Variants in ELAPOR1 observed in about 807,000 individuals in gnomAD.
The protein encoded by ELAPOR1 is endosome-lysosome associated apoptosis and autophagy regulator 1.
In ELAPOR1, 77 loss-of-function variants were observed where a neutral mutation model predicts 119.7. The ratio of observed to expected loss-of-function variants is 0.64; its 90% CI spans 0.54 to 0.78. The LOEUF (loss-of-function observed/expected upper bound fraction) is 0.78. Among genes scored for constraint, ELAPOR1 ranks in the 30% least tolerant of loss-of-function variants. The pLI is 0.00. For missense variants in ELAPOR1, 1,115 were observed against 1,270.4 expected, an observed-to-expected ratio of 0.88 and a Z score of 1.86; for synonymous variants, 481 against 487.2, an observed-to-expected ratio of 0.99 and a Z score of 0.17.
At position 109,178,950 on chromosome 1, in the gene ELAPOR1, A is replaced by G. The variant is rs375860510; in HGVS notation, c.952+5113A>G. Among the ~76,000 whole-genome samples, 89 of 142,756 alleles carry G rather than the reference A, an allele frequency of 6.2e-4. 2 individuals carry two copies. In the South Asian group the frequency reaches 0.02, roughly 32 times the overall value. The allele number at this position is 142,756 out of a possible 152,430, so 93.7% of individuals were successfully genotyped here. A position where few individuals can be genotyped will look rare whatever the true frequency, so the allele number is the denominator to read the frequency against. On this transcript the variant is annotated intron_variant, in intron 7 of 21. Coordinates refer to ENST00000369939, the MANE Select transcript of ELAPOR1 (RefSeq NM_020775.5). Reference sequence around the variant, plus strand: ...ACTGCATTCCAATCTGGGTGACAGAATAATACTGTCTCAAAAAAAAAAAAA... The same window carrying G: ...ACTGCATTCCAATCTGGGTGACAGAGTAATACTGTCTCAAAAAAAAAAAAA...
chr1:109,192,119 CTTG>C (rs775759785), intron 13 of ELAPOR1, among the ~76,000 whole-genome samples: 7 of 152,306 alleles, frequency 4.6e-5, no homozygotes, highest in African/African-American at 1.2e-4. Context: ...TGTTACCAGA[CTTG>C]TTGTTGTTTT....
intron 1 of ELAPOR1, among the ~76,000 whole-genome samples, chr1:109,143,678 C>A (rs1251480589): frequency 6.6e-6 from 1 of 151,030 alleles, no homozygotes; most frequent in African/African-American, 2.4e-5. Context: ...AAAGTTTGAA[C>A]TTTTTTTTTG....
intron 11 of ELAPOR1, 48 bp downstream of exon 11, chr1:109,189,730 C>G: frequency 1.4e-6 from 2 of 1,416,300 alleles, no homozygotes; most frequent in Non-Finnish European, 2.0e-6. Context: ...TGGCCATATC[C>G]GAATCCCACG....
rs141560608 is a variant in ELAPOR1 at position 109,188,745 on chromosome 1, G to A, written c.1220-321G>A. ...GGGGGATTTGAGTACCTGTTAAAAT[G>A]AAAGCATTTAATGATAATATGACAA... On this transcript the variant is annotated intron_variant, in intron 9 of 21. Transcript: ENST00000369939. Among the ~76,000 whole-genome samples the A allele has an allele frequency of 7.7e-3, 1,170 of 152,278 alleles. 8 individuals are homozygous for A. The highest frequency in any genetic ancestry group is 0.035 in the South Asian group (168 of 4,820).
intron 15 of ELAPOR1, among the ~76,000 whole-genome samples, chr1:109,196,802 C>T (rs1186198397): frequency 2.0e-5 from 3 of 152,092 alleles, no homozygotes; most frequent in Admixed American, 6.5e-5. Context: ...CCTGCCTCAG[C>T]CTCCCGAGTA....
chr1:109,149,180 G>T (rs896441639), intron 1 of ELAPOR1, among the ~76,000 whole-genome samples: 1 of 152,206 alleles, frequency 6.6e-6, no homozygotes, highest in Non-Finnish European at 1.5e-5. Context: ...GGAAACTGAG[G>T]AGGGGCTAAC....
chr1:109,176,067 T>C (rs1231982355), intron 7 of ELAPOR1, among the ~76,000 whole-genome samples: 1 of 152,146 alleles, frequency 6.6e-6, no homozygotes, highest in Non-Finnish European at 1.5e-5. Flanking sequence ...TAGGTTTCCT[T>C]GTAACACAAT....
intron 1 of ELAPOR1, among the ~76,000 whole-genome samples, chr1:109,158,551 C>T (rs564320548): frequency 8.5e-5 from 13 of 152,220 alleles, no homozygotes; most frequent in African/African-American, 2.6e-4. Context: ...CAGTTCCCCA[C>T]CCTCTCATTT....
chr1:109,180,919 T>C (rs649400), intron 7 of ELAPOR1, among the ~76,000 whole-genome samples: 144,535 of 152,090 alleles, frequency 0.95, 69,136 homozygotes, highest in Middle Eastern at 1. Context: ...GAGCTGATTG[T>C]GCCACTGAAC....
intron 18 of ELAPOR1, 136 bp downstream of exon 18, chr1:109,198,810 C>T (rs1293445959): frequency 1.4e-6 from 1 of 697,132 alleles, no homozygotes; most frequent in Non-Finnish European, 2.4e-6. Flanking sequence ...GGGGCACAGT[C>T]ATGGCCCCAG....
At chr1:109,115,449 A>G (rs2100944598) in intron 1 of ELAPOR1, among the ~76,000 whole-genome samples, 1 of 152,304 alleles carries the variant, frequency 6.6e-6, no homozygotes, top group Non-Finnish European at 1.5e-5. Flanking sequence ...TTTAAAAAAT[A>G]TATGTTTTAA....
intron 3 of ELAPOR1, among the ~76,000 whole-genome samples, chr1:109,170,831 G>A (rs1372153209): frequency 6.6e-6 from 1 of 152,182 alleles, no homozygotes; most frequent in Non-Finnish European, 1.5e-5. Flanking sequence ...AGATGGTGTG[G>A]TGGTGAGTGT....
intron 7 of ELAPOR1, among the ~76,000 whole-genome samples, chr1:109,180,754 C>T (rs965881134): frequency 2.0e-5 from 3 of 151,986 alleles, no homozygotes; most frequent in South Asian, 2.1e-4. Context: ...TGCTTGAGGC[C>T]GGGAGTTTGA....
intron 1 of ELAPOR1, among the ~76,000 whole-genome samples, chr1:109,115,042 G>A (rs1426811370): frequency 6.6e-6 from 1 of 152,144 alleles, no homozygotes; most frequent in African/African-American, 2.4e-5. Flanking sequence ...CTTAACATAT[G>A]TCAAAGTCTT....
In ELAPOR1 at chr1:109,164,701, C is replaced by A. The variant is rs1651477952; in HGVS notation, c.467+10C>A. On this transcript the variant is annotated intron_variant, in intron 3 of 21. Coordinates refer to ENST00000369939, the MANE Select transcript of ELAPOR1 (RefSeq NM_020775.5). ...CCGGGAACTGTACTTCGTGAGTCTG[C>A]ACACACCCCCACCCCACCCCCAGCC... 1 of 1,604,456 alleles carries A rather than the reference C, an allele frequency of 6.2e-7. No individual in the cohort carries two copies. The highest frequency in any genetic ancestry group is 1.1e-5 in the South Asian group (1 of 90,368).
chr1:109,161,343 G>T lies in ELAPOR1; in HGVS notation c.154-551G>T, dbSNP rs573358501. Reference sequence around the variant, plus strand: ...GAGAATCGCTTGAACCCAGGAGGCGGAGGTTACGGTGAGCCAAGATCATCC... The same window carrying T: ...GAGAATCGCTTGAACCCAGGAGGCGTAGGTTACGGTGAGCCAAGATCATCC... On this transcript the variant is annotated intron_variant, in intron 1 of 21. Coordinates refer to ENST00000369939, the MANE Select transcript of ELAPOR1 (RefSeq NM_020775.5). Among the ~76,000 whole-genome samples the T allele has an allele frequency of 1.3e-4, 19 of 150,058 alleles. No homozygotes were observed. The East Asian group carries it at 3.4e-3, about 27-fold the overall frequency.
chr1:109,195,079 C>T (rs1334487922), intron 15 of ELAPOR1, among the ~76,000 whole-genome samples: 1 of 151,792 alleles, frequency 6.6e-6, no homozygotes, highest in Non-Finnish European at 1.5e-5. Flanking sequence ...CATTGCACTC[C>T]AGCCTGGGCA....
At chr1:109,153,003 G>T (rs987167024) in intron 1 of ELAPOR1, among the ~76,000 whole-genome samples, 5 of 150,480 alleles carry the variant, frequency 3.3e-5, no homozygotes, top group African/African-American at 1.2e-4. Flanking sequence ...AATGAAAAAT[G>T]ACAGTCTCAT....
chr1:109,179,358 G>A (rs1378225001), intron 7 of ELAPOR1, among the ~76,000 whole-genome samples: 5 of 141,496 alleles, frequency 3.5e-5, no homozygotes, highest in Non-Finnish European at 6.1e-5. Context: ...GCAGTGAGCC[G>A]AGATCATGCC....
Sources: allele counts gnomAD v4.1 joint callset (sites outside exome capture counted in the v4.1 genomes callset), GRCh38; gene constraint gnomAD v4.1.1; transcripts MANE v1.5; gene names NCBI Gene and HGNC (gene_info 2026-07-23, HGNC 2026-07-21).